The following NXPH1 variants were observed in gnomAD, a reference collection of about 807,000 sequenced individuals.
NXPH1 encodes neurexophilin 1, also known as neurexophilin-1.
A neutral mutation model predicts 23.7 loss-of-function variants in NXPH1; 5 were observed. The ratio of observed to expected loss-of-function variants is 0.21; its 90% CI spans 0.11 to 0.44. NXPH1 has a LOEUF of 0.44. Ranked by LOEUF, NXPH1 falls within the 20% of genes least tolerant of loss-of-function variation. The pLI, the probability that NXPH1 is intolerant of heterozygous loss-of-function variation, is 0.99. For missense variants in NXPH1, 324 were observed against 321.6 expected (o/e 1.01, Z -0.06); for synonymous variants, 144 against 122.2 (o/e 1.18, Z -1.18).
intron 2 of NXPH1, among the ~76,000 whole-genome samples, chr7:8,565,275 C>T (rs1186174396): frequency 6.6e-6 from 1 of 151,744 alleles, no homozygotes; most frequent in East Asian, 1.9e-4. Flanking sequence ...AATTTCTTTT[C>T]TCTCAAGAGT....
intron 2 of NXPH1, among the ~76,000 whole-genome samples, chr7:8,683,019 C>T (rs530578569): frequency 2.6e-5 from 4 of 152,270 alleles, no homozygotes; most frequent in South Asian, 2.1e-4. Context: ...AAAGGAATAT[C>T]GTGTAGCTTG....
chr7:8,718,227 G>C (rs1289376995), intron 2 of NXPH1, among the ~76,000 whole-genome samples: 3 of 152,092 alleles, frequency 2.0e-5, no homozygotes, highest in Admixed American at 1.3e-4. Flanking sequence ...CTCAGCTTTT[G>C]ATTAAAACAT....
chr7:8,623,805 T>C (rs151139914), intron 2 of NXPH1, among the ~76,000 whole-genome samples: 46 of 152,090 alleles, frequency 3.0e-4, no homozygotes, highest in Non-Finnish European at 5.0e-4. Context: ...TATATTTACA[T>C]GTAAACCTTT....
chr7:8,477,771 G>C (rs1817001978), intron 2 of NXPH1, among the ~76,000 whole-genome samples: 1 of 152,178 alleles, frequency 6.6e-6, no homozygotes, highest in Non-Finnish European at 1.5e-5. Context: ...TTTCTGAGCT[G>C]AAAAATCATC....
intron 2 of NXPH1, among the ~76,000 whole-genome samples, chr7:8,654,767 C>T (rs2115155574): frequency 6.6e-6 from 1 of 152,294 alleles, no homozygotes; most frequent in East Asian, 1.9e-4. Context: ...CAAATAATTC[C>T]TACTGACATC....
intron 2 of NXPH1, among the ~76,000 whole-genome samples, chr7:8,588,149 G>GGGAGT (rs1403427504): frequency 5.9e-5 from 9 of 152,148 alleles, no homozygotes; most frequent in African/African-American, 2.2e-4. Context: ...CACTGTTGGT[G>GGGAGT]GGAGTGTAAA....
At chr7:8,555,072 G>A (rs1230562773) in intron 2 of NXPH1, among the ~76,000 whole-genome samples, 3 of 151,632 alleles carry the variant, frequency 2.0e-5, no homozygotes, top group Non-Finnish European at 4.4e-5. Flanking sequence ...CTGAAAAAGT[G>A]TAGGTCCTCA....
At chr7:8,524,192 A>C (rs1817823711) in intron 2 of NXPH1, among the ~76,000 whole-genome samples, 2 of 139,668 alleles carry the variant, frequency 1.4e-5, no homozygotes, top group East Asian at 2.3e-4. Context: ...CAGTGAGTGG[A>C]GATCGTGCCA....
chr7:8,472,864 C>G (rs1238946821), intron 2 of NXPH1, among the ~76,000 whole-genome samples: 3 of 152,180 alleles, frequency 2.0e-5, no homozygotes, highest in Admixed American at 6.6e-5. Flanking sequence ...GTTTTAGCAC[C>G]TAGTCCTGGC....
chr7:8,453,330 G>A (rs1019288944), intron 2 of NXPH1, among the ~76,000 whole-genome samples: 3 of 152,028 alleles, frequency 2.0e-5, no homozygotes, highest in African/African-American at 7.2e-5. Flanking sequence ...TTAATTGGCA[G>A]GAAAGAGACA....
At chr7:8,739,413 C>T (rs879435960) in intron 2 of NXPH1, among the ~76,000 whole-genome samples, 3 of 151,966 alleles carry the variant, frequency 2.0e-5, no homozygotes, top group Non-Finnish European at 4.4e-5. Context: ...GTTCCCTGAC[C>T]CCTTGTGCTT....
intron 2 of NXPH1, among the ~76,000 whole-genome samples, chr7:8,571,021 CTAATCTAATCTAAT>C (rs1818634714): frequency 0.097 from 159 of 1,646 alleles, no homozygotes; most frequent in African/African-American, 0.35. Context: ...GTCTGTCTAT[CTAATCTAATCTAAT>C]CTAATCTAAT....
chr7:8,725,372 C>T lies in NXPH1; in HGVS notation c.55-25636C>T, dbSNP rs537454315. On this transcript the variant is annotated intron_variant, in intron 2 of 2. Coordinates refer to ENST00000405863, the MANE Select transcript of NXPH1 (RefSeq NM_152745.3). ...GGGCATGGTGGTGGGCGCCTGTAGT[C>T]CCAGCTACGCAGTAGGCTGAGGCAT... 4.3e-4 allele frequency among the ~76,000 whole-genome samples: 65 copies of T among 151,998 alleles called. No individual in the cohort carries two copies. In the South Asian group the frequency reaches 0.012, roughly 28 times the overall value.
intron 2 of NXPH1, among the ~76,000 whole-genome samples, chr7:8,594,367 T>C (rs1046752300): frequency 1.3e-5 from 2 of 152,092 alleles, no homozygotes; most frequent in African/African-American, 4.8e-5. Context: ...TTGACGATGG[T>C]AAACAGCTGG....
At chr7:8,586,873 G>A (rs1263283799) in intron 2 of NXPH1, among the ~76,000 whole-genome samples, 1 of 152,046 alleles carries the variant, frequency 6.6e-6, no homozygotes, top group Admixed American at 6.5e-5. Flanking sequence ...GACTATGAAG[G>A]AGAAAGTAAA....
chr7:8,665,459 G>A (rs1413748045), intron 2 of NXPH1, among the ~76,000 whole-genome samples: 1 of 151,846 alleles, frequency 6.6e-6, no homozygotes, highest in Non-Finnish European at 1.5e-5. Flanking sequence ...GATGCCTTTA[G>A]CTTTGTTCTT....
At chr7:8,546,410 C>A (rs191085362) in intron 2 of NXPH1, among the ~76,000 whole-genome samples, 18 of 151,422 alleles carry the variant, frequency 1.2e-4, no homozygotes, top group Non-Finnish European at 1.9e-4. Context: ...AGTATTCCAG[C>A]GTAATTAATT....
intron 2 of NXPH1, among the ~76,000 whole-genome samples, chr7:8,557,062 A>G (rs1818369048): frequency 6.6e-6 from 1 of 151,730 alleles, no homozygotes; most frequent in Admixed American, 6.6e-5. Context: ...TTCCTAGTCG[A>G]TGACTACATA....
chr7:8,571,379 G>T (rs1380491089), intron 2 of NXPH1, among the ~76,000 whole-genome samples: 1 of 151,644 alleles, frequency 6.6e-6, no homozygotes, highest in Non-Finnish European at 1.5e-5. Flanking sequence ...TACTTATTAG[G>T]GTTTCTTTGT....
Sources: gnomAD v4.1 joint callset for allele counts (sites outside exome capture counted in the v4.1 genomes callset) on GRCh38, gnomAD v4.1.1 for gene constraint, MANE v1.5 for transcripts, NCBI Gene and HGNC (gene_info 2026-07-23, HGNC 2026-07-21) for gene names.